RGS3: variants seen among roughly 807,000 people sequenced by gnomAD.
RGS3 encodes the protein regulator of G protein signaling 3.
In RGS3, 80 loss-of-function variants were observed where a neutral mutation model predicts 132.6. The ratio of observed to expected loss-of-function variants is 0.60; its 90% CI spans 0.50 to 0.73. RGS3 has a LOEUF of 0.73. Ranked by LOEUF, RGS3 falls within the 30% of genes least tolerant of loss-of-function variation. RGS3 has a pLI of 0.00. For missense variants in RGS3, 1,382 were observed against 1,530.8 expected, an observed-to-expected ratio of 0.90 and a Z score of 1.62; for synonymous variants, 598 against 620.6, an observed-to-expected ratio of 0.96 and a Z score of 0.54.
chr9:113,552,744 G>A (rs529423922), intron 19 of RGS3, among the ~76,000 whole-genome samples: 1 of 152,036 alleles, frequency 6.6e-6, no homozygotes, highest in South Asian at 2.1e-4. Context: ...TATACAATAC[G>A]GTCTTCTCAT....
intron 3 of RGS3, among the ~76,000 whole-genome samples, chr9:113,462,562 T>G (rs748221708): frequency 4.2e-4 from 64 of 152,306 alleles, no homozygotes; most frequent in Admixed American, 9.2e-4. Context: ...GGGTTCAAAT[T>G]TCAGCTCTGC....
At chr9:113,524,441 G>T (rs1188995810) in intron 17 of RGS3, among the ~76,000 whole-genome samples, 1 of 152,168 alleles carries the variant, frequency 6.6e-6, no homozygotes, top group Non-Finnish European at 1.5e-5. Context: ...TCTCTCTGTT[G>T]TGCACATTAC....
chr9:113,590,254 A>T (rs1234580421), intron 20 of RGS3, among the ~76,000 whole-genome samples: 1 of 152,204 alleles, frequency 6.6e-6, no homozygotes, highest in Admixed American at 6.5e-5. Context: ...ATGAGATAGT[A>T]TCTGAATTAT....
At chr9:113,555,626 CCAG>C (rs1833537085) in intron 19 of RGS3, among the ~76,000 whole-genome samples, 1 of 152,112 alleles carries the variant, frequency 6.6e-6, no homozygotes, top group Admixed American at 6.5e-5. Flanking sequence ...GCCACCACGC[CCAG>C]CTAATTTTTG....
At chr9:113,585,166 T>A (rs1450140151) in intron 20 of RGS3, among the ~76,000 whole-genome samples, 1 of 152,234 alleles carries the variant, frequency 6.6e-6, no homozygotes, top group Non-Finnish European at 1.5e-5. Context: ...AGAAATAAGT[T>A]AACTGTGTGA....
At chr9:113,447,959 G>C (rs573088518) in intron 1 of RGS3, among the ~76,000 whole-genome samples, 1 of 151,076 alleles carries the variant, frequency 6.6e-6, no homozygotes, top group East Asian at 2.0e-4. Context: ...CTGGGTTCAA[G>C]CTATTCCCCC....
rs138572508 is a variant in RGS3, at chr9:113,583,840, G to T, written c.2428G>T (p.Asp810Tyr). 73 of 1,613,934 alleles carry T rather than the reference G, an allele frequency of 4.5e-5. No individual in the cohort carries two copies. In the African/African-American group the frequency reaches 8.1e-4, roughly 18 times the overall value. ...TGCCATCCAGGAATCCCCCACCCGG[G>T]ACCTTCCACCCTGTCAAGATCTGCC... The change falls in exon 20 of 25, where the codon GAC becomes TAC. Residue 810 changes from aspartate to tyrosine, a missense_variant. Coordinates refer to ENST00000350696, the Ensembl canonical transcript of RGS3.
chr9:113,594,113 T>A (rs766048874), intron 21 of RGS3: 4 of 1,613,120 alleles, frequency 2.5e-6, no homozygotes, highest in Non-Finnish European at 3.4e-6. Context: ...CAGCCCCGGC[T>A]TGTGCCTGGG....
At position 113,565,528 on chromosome 9, in the gene RGS3, C is replaced by T. The variant is rs1310320517; in HGVS notation, c.2038-17922C>T. 4.2e-6 allele frequency: 2 copies of T among 473,998 alleles called. No individual in the cohort carries two copies. Among genetic ancestry groups the T allele is most frequent in the Non-Finnish European group, 7.1e-6 (2 of 283,294 alleles). The allele number at this position is 473,998 out of a possible 1,614,324, so 29.4% of individuals were successfully genotyped here. ...TGCTTTTCCTAGCAGGTATCGCTCCCCTGGGGAACTTGGGTAAGTCCATAA... is the reference window on the plus strand; with the variant it reads ...TGCTTTTCCTAGCAGGTATCGCTCCTCTGGGGAACTTGGGTAAGTCCATAA... On this transcript the variant is annotated intron_variant, in intron 19 of 24. Coordinates refer to ENST00000350696, the Ensembl canonical transcript of RGS3. The surrounding 1 kb of genome is among the most constrained non-coding windows in gnomAD (Gnocchi z 5.7).
chr9:113,473,250 G>A (rs2119192869), intron 3 of RGS3, among the ~76,000 whole-genome samples: 1 of 152,336 alleles, frequency 6.6e-6, no homozygotes, highest in East Asian at 1.9e-4. Context: ...GAAAGGAAGA[G>A]TATCAAAGAC....
chr9:113,568,331 C>G (rs1473286142), intron 19 of RGS3, among the ~76,000 whole-genome samples: 2 of 152,236 alleles, frequency 1.3e-5, no homozygotes, highest in Non-Finnish European at 2.9e-5. Flanking sequence ...CTGGGAAAAG[C>G]AGCATGTGCA....
intron 2 of RGS3, chr9:113,461,879 A>G: frequency 6.2e-7 from 1 of 1,607,704 alleles, no homozygotes; most frequent in African/African-American, 1.4e-5. Flanking sequence ...CATCTCAGGC[A>G]CATCACCTTC....
At position 113,463,908 on chromosome 9, in the gene RGS3, G is replaced by A. The variant is rs776638994; in HGVS notation, c.415+1707G>A. Reference sequence around the variant, plus strand: ...TAAGTGCCCGCTGGGGCTGGCGGCAGGGGCTGCTTCACCCTGCTCCCAGCG... The same window carrying A: ...TAAGTGCCCGCTGGGGCTGGCGGCAAGGGCTGCTTCACCCTGCTCCCAGCG... On this transcript the variant is annotated intron_variant, in intron 3 of 24. Coordinates refer to ENST00000350696, the Ensembl canonical transcript of RGS3. This position sits in a 1 kb window ranked among gnomAD's most constrained non-coding sequence, Gnocchi z 4.6. The A allele has an allele frequency of 5.6e-6, 9 of 1,611,604 alleles. No homozygotes were observed. The Admixed American group carries it at 1.5e-4, about 27-fold the overall frequency.
intron 19 of RGS3, among the ~76,000 whole-genome samples, chr9:113,562,809 A>G (rs1362156139): frequency 6.6e-6 from 1 of 152,146 alleles, no homozygotes; most frequent in Admixed American, 6.5e-5. Flanking sequence ...CAGCCCTGCC[A>G]CTCAGTTGCT....
intron 20 of RGS3, 23 bp downstream of exon 18, chr9:113,584,450 GAGA>G: frequency 6.7e-7 from 1 of 1,501,350 alleles, no homozygotes; most frequent in Non-Finnish European, 8.8e-7. Flanking sequence ...AAGGGGGAGG[GAGA>G]AGGATACATG....
At chr9:113,450,748 G>A (rs547290016) in intron 1 of RGS3, among the ~76,000 whole-genome samples, 2 of 152,314 alleles carry the variant, frequency 1.3e-5, no homozygotes, top group South Asian at 2.1e-4. Context: ...TCAGAAAACA[G>A]AAGAGTTGTC....
rs2118593839 is a variant in RGS3 at position 113,535,678 on chromosome 9, A to C, written c.1915-1118A>C. Among the ~76,000 whole-genome samples, 4 of 152,178 alleles carry C rather than the reference A, an allele frequency of 2.6e-5. 1 individual carries two copies. In the Middle Eastern group the frequency reaches 0.014, roughly 518 times the overall value. On this transcript the variant is annotated intron_variant, in intron 18 of 24. Transcript: ENST00000350696. ...GCTGGGATTCAAACCAGGCCTGTCC[A>C]ACTGCAAAATGAGAAAGGGCTGGAT...
intron 18 of RGS3, among the ~76,000 whole-genome samples, chr9:113,535,807 C>G (rs1832654178): frequency 6.6e-6 from 1 of 152,092 alleles, no homozygotes; most frequent in South Asian, 2.1e-4. Flanking sequence ...TAATCAAATT[C>G]TAGTGGAGGC....
intron 11 of RGS3, among the ~76,000 whole-genome samples, chr9:113,505,869 T>C (rs1426222888): frequency 6.6e-6 from 1 of 152,232 alleles, no homozygotes. Context: ...ATCCAGAGCC[T>C]GATCAGCACT....
Sources: allele counts gnomAD v4.1 joint callset (sites outside exome capture counted in the v4.1 genomes callset), GRCh38; gene constraint gnomAD v4.1.1; non-coding constraint Gnocchi (gnomAD v3.1); transcripts MANE v1.5; gene names NCBI Gene and HGNC (gene_info 2026-07-23, HGNC 2026-07-21).